Variants in SMAP1 observed in about 807,000 individuals in gnomAD.
SMAP1 encodes small ArfGAP 1.
SMAP1 carries 24 observed loss-of-function variants against 58.5 expected under a neutral mutation model. The ratio of observed to expected loss-of-function variants is 0.41; its 90% CI spans 0.30 to 0.58. The LOEUF is 0.58. Among genes scored for constraint, SMAP1 ranks in the 20% least tolerant of loss-of-function variants. The pLI is 0.29. For missense variants in SMAP1, 563 were observed against 566.3 expected (o/e 0.99, Z 0.06); for synonymous variants, 216 against 196.6 (o/e 1.10, Z -0.82).
chr6:70,751,208 C>G (rs895181123), intron 2 of SMAP1, among the ~76,000 whole-genome samples: 1 of 152,070 alleles, frequency 6.6e-6, no homozygotes, highest in Non-Finnish European at 1.5e-5. Context: ...CCACTGCACT[C>G]AAGCCTGGGT....
In SMAP1 at chr6:70,860,241, C is replaced by CCCTACT. The variant is rs1771654726; in HGVS notation, c.1312_1317dup (p.Pro438_Thr439dup). The CCCTACT allele has an allele frequency of 6.2e-7, 1 of 1,613,378 alleles. No homozygotes were observed. Among genetic ancestry groups the CCCTACT allele is most frequent in the African/African-American group, 1.3e-5 (1 of 74,946 alleles). ...CTGGCATGAGTATCAGTAGTGCAAC[C>CCCTACT]CCTACTGCAGGTTTTGGCCAGCCCT... is the stretch of plus-strand genomic sequence containing the variant. On this transcript the variant is annotated inframe_insertion, in exon 11 of 11. Coordinates refer to ENST00000370455, the MANE Select transcript of SMAP1 (RefSeq NM_001044305.3).
chr6:70,812,615 A>G (rs13197338), intron 6 of SMAP1, among the ~76,000 whole-genome samples: 20,181 of 152,212 alleles, frequency 0.13, 1,672 homozygotes, highest in East Asian at 0.21. Flanking sequence ...AACTTCTTCA[A>G]AACTTAGTAG....
chr6:70,829,258 T>C (rs555279941), intron 6 of SMAP1, among the ~76,000 whole-genome samples: 1 of 151,936 alleles, frequency 6.6e-6, no homozygotes, highest in Non-Finnish European at 1.5e-5. Context: ...TTTTTTTCTT[T>C]GTCTTCTTTT....
chr6:70,771,926 G>A (rs553897145), intron 3 of SMAP1, among the ~76,000 whole-genome samples: 13 of 152,286 alleles, frequency 8.5e-5, no homozygotes, highest in African/African-American at 3.1e-4. Flanking sequence ...TTTTCAACCT[G>A]CTTACTCCAG....
intron 3 of SMAP1, among the ~76,000 whole-genome samples, chr6:70,767,545 C>G (rs549681637): frequency 3.3e-5 from 5 of 151,984 alleles, no homozygotes; most frequent in East Asian, 1.9e-4. Flanking sequence ...ATTTGGCTCT[C>G]TGTTTGTCTG....
At chr6:70,800,965 C>T (rs1659681054) in intron 6 of SMAP1, among the ~76,000 whole-genome samples, 1 of 152,048 alleles carries the variant, frequency 6.6e-6, no homozygotes, top group South Asian at 2.1e-4. Context: ...GTGAATAGTG[C>T]CACAATAAAC....
At chr6:70,669,752 C>G (rs921860491) in intron 1 of SMAP1, among the ~76,000 whole-genome samples, 1 of 152,162 alleles carries the variant, frequency 6.6e-6, no homozygotes, top group Admixed American at 6.5e-5. Context: ...AGTAGAGATG[C>G]TGGTAAATAT....
At chr6:70,834,241 T>TA (rs2149995338) in intron 6 of SMAP1, among the ~76,000 whole-genome samples, 1 of 152,250 alleles carries the variant, frequency 6.6e-6, no homozygotes, top group African/African-American at 2.4e-5. Context: ...TTTGAATTTT[T>TA]AAAAAAGATC....
At position 70,848,654 on chromosome 6, in the gene SMAP1, C is replaced by CGGGACAA. The variant is rs1360545003; in HGVS notation, c.665-3885_665-3879dup. 2.6e-5 allele frequency among the ~76,000 whole-genome samples: 4 copies of CGGGACAA among 152,098 alleles called. No homozygotes were observed. In the East Asian group the frequency reaches 7.7e-4, roughly 29 times the overall value. ...AGGAGATGCCCTTCTCATCTTGCAT[C>CGGGACAA]GGGACAAAAATGATAACATGTAAAC... On this transcript the variant is annotated intron_variant, in intron 7 of 10. Coordinates refer to ENST00000370455, the MANE Select transcript of SMAP1 (RefSeq NM_001044305.3).
intron 9 of SMAP1, chr6:70,857,700 CTTAA>C (rs1164022801): frequency 1.5e-5 from 8 of 548,540 alleles, no homozygotes; most frequent in South Asian, 2.3e-5. Flanking sequence ...ATTTACATTT[CTTAA>C]TTAAATTTAC....
chr6:70,753,749 A>G (rs1766374170), intron 2 of SMAP1, among the ~76,000 whole-genome samples: 1 of 151,886 alleles, frequency 6.6e-6, no homozygotes, highest in African/African-American at 2.4e-5. Flanking sequence ...CTTCTATGTC[A>G]TCTTGGAGCT....
intron 1 of SMAP1, among the ~76,000 whole-genome samples, chr6:70,728,913 A>C (rs142444433): frequency 5.1e-4 from 77 of 152,300 alleles, no homozygotes; most frequent in African/African-American, 1.6e-3. Flanking sequence ...AGGTTACCTA[A>C]TACTTTTCAG....
intron 5 of SMAP1, among the ~76,000 whole-genome samples, chr6:70,792,182 G>T (rs963795377): frequency 1.3e-5 from 2 of 151,822 alleles, no homozygotes; most frequent in African/African-American, 4.8e-5. Context: ...GTGTATTATG[G>T]GATAATGAGT....
intron 6 of SMAP1, among the ~76,000 whole-genome samples, chr6:70,818,010 G>A (rs747353673): frequency 4.6e-5 from 7 of 152,096 alleles, no homozygotes; most frequent in African/African-American, 9.7e-5. Flanking sequence ...CTCAAGAACC[G>A]TCAGCATCAG....
chr6:70,821,041 C>T (rs1769866680), intron 6 of SMAP1, among the ~76,000 whole-genome samples: 1 of 152,138 alleles, frequency 6.6e-6, no homozygotes, highest in South Asian at 2.1e-4. Flanking sequence ...CTCTAGGTAG[C>T]ACTTGAAGTT....
chr6:70,727,085 T>C (rs1042750601), intron 1 of SMAP1, among the ~76,000 whole-genome samples: 48 of 152,050 alleles, frequency 3.2e-4, no homozygotes, highest in African/African-American at 1.1e-3. Flanking sequence ...CTTTACCTGC[T>C]GTGTAACTTG....
intron 4 of SMAP1, among the ~76,000 whole-genome samples, chr6:70,783,400 A>G (rs187564573): frequency 5.9e-5 from 9 of 152,314 alleles, no homozygotes; most frequent in East Asian, 5.8e-4. Flanking sequence ...AGCACCTCTC[A>G]TCCTCCAAAG....
At chr6:70,703,328 C>G (rs1042586465) in intron 1 of SMAP1, among the ~76,000 whole-genome samples, 6 of 152,152 alleles carry the variant, frequency 3.9e-5, no homozygotes, top group African/African-American at 1.4e-4. Context: ...CCCACCTCGG[C>G]CTCCCAAAGT....
At position 70,819,842 on chromosome 6, in the gene SMAP1, T is replaced by G. The variant is rs1225556156; in HGVS notation, c.577-17099T>G. ...TACATTCTTCTGAATTACAGTAATATGCTTCTACTTCAGATCATTTTGGAA... is the reference window on the plus strand; with the variant it reads ...TACATTCTTCTGAATTACAGTAATAGGCTTCTACTTCAGATCATTTTGGAA... On this transcript the variant is annotated intron_variant, in intron 6 of 10. Transcript: ENST00000370455. Among the ~76,000 whole-genome samples the G allele has an allele frequency of 2.0e-5, 3 of 152,346 alleles. No individual in the cohort carries two copies. In the East Asian group the frequency reaches 5.8e-4, roughly 29 times the overall value.
Sources: allele counts gnomAD v4.1 joint callset (sites outside exome capture counted in the v4.1 genomes callset), GRCh38; gene constraint gnomAD v4.1.1; transcripts MANE v1.5; gene names NCBI Gene and HGNC (gene_info 2026-07-23, HGNC 2026-07-21).